The following CDYL variants were observed in gnomAD, a reference collection of about 807,000 sequenced individuals.
The protein encoded by CDYL is chromodomain Y-like protein.
CDYL carries 8 observed loss-of-function variants against 47.3 expected under a neutral mutation model. The ratio of observed to expected loss-of-function variants is 0.17; its 90% CI spans 0.10 to 0.31. CDYL has a LOEUF of 0.31. CDYL is among the 10% of genes least tolerant of loss of function. The probability of loss-of-function intolerance (pLI) is 1.00; values close to 1 mark genes in which losing one functional copy is unlikely to be tolerated. For missense variants in CDYL, 471 were observed against 701.4 expected (o/e 0.67, Z 3.71); for synonymous variants, 266 against 265.0 (o/e 1.00, Z -0.04).
At chr6:4,728,089 T>C (rs1285236834) in intron 2 of CDYL, among the ~76,000 whole-genome samples, 1 of 152,214 alleles carries the variant, frequency 6.6e-6, no homozygotes, top group African/African-American at 2.4e-5. Context: ...TGCTTATTTT[T>C]TTTCCTTTTT....
At chr6:4,853,568 GTCTCT>G (rs796773254) in intron 1 of CDYL, among the ~76,000 whole-genome samples, 10 of 152,166 alleles carry the variant, frequency 6.6e-5, no homozygotes, top group African/African-American at 2.4e-4. Flanking sequence ...TATCTCTTGA[GTCTCT>G]TCTCAGCTTC....
At chr6:4,831,435 T>C (rs946105445) in intron 1 of CDYL, among the ~76,000 whole-genome samples, 2 of 152,222 alleles carry the variant, frequency 1.3e-5, no homozygotes, top group African/African-American at 4.8e-5. Context: ...TCCATTGATC[T>C]ATATCTCTGT....
At chr6:4,808,372 T>G (rs1759432008) in intron 1 of CDYL, among the ~76,000 whole-genome samples, 1 of 152,232 alleles carries the variant, frequency 6.6e-6, no homozygotes, top group African/African-American at 2.4e-5. Context: ...CATTCTAACC[T>G]TCTTCTTTTC....
At chr6:4,810,380 T>G (rs1401154111) in intron 1 of CDYL, among the ~76,000 whole-genome samples, 1 of 152,192 alleles carries the variant, frequency 6.6e-6, no homozygotes, top group African/African-American at 2.4e-5. Context: ...ATGGTACCCT[T>G]TAATGACTCC....
chr6:4,809,442 G>T (rs1759462427), intron 1 of CDYL, among the ~76,000 whole-genome samples: 1 of 152,224 alleles, frequency 6.6e-6, no homozygotes, highest in African/African-American at 2.4e-5. Flanking sequence ...CTGCCTTCAG[G>T]ATAGTTTCTT....
At chr6:4,907,234 TG>T (rs200477084) in intron 2 of CDYL, among the ~76,000 whole-genome samples, 3,659 of 152,190 alleles carry the variant, frequency 0.024, 60 homozygotes, top group Middle Eastern at 0.041. Context: ...AAAGGGGAGA[TG>T]GGGGGAAAAC....
rs551970175 is a variant in CDYL, at chr6:4,949,939, C to T, written c.1333-2327C>T. On this transcript the variant is annotated intron_variant, in intron 5 of 6. Transcript: ENST00000397588. ...TAAATTGAGAAATGCCCTTGCTTGT[C>T]CTGCACATCCAACCACCTGGAATGG... Among the ~76,000 whole-genome samples the T allele has an allele frequency of 7.2e-5, 11 of 152,298 alleles. No individual in the cohort carries two copies. In the East Asian group the frequency reaches 1.7e-3, roughly 24 times the overall value.
intron 2 of CDYL, among the ~76,000 whole-genome samples, chr6:4,894,931 G>GTGTGTATA (rs1367567988): frequency 0.024 from 423 of 17,568 alleles, 7 homozygotes; most frequent in Non-Finnish European, 0.036. Flanking sequence ...ACATATGTAT[G>GTGTGTATA]TGTGTATATG....
chr6:4,837,997 C>T (rs1009913421), intron 1 of CDYL, among the ~76,000 whole-genome samples: 5 of 151,426 alleles, frequency 3.3e-5, no homozygotes, highest in Non-Finnish European at 5.9e-5. Context: ...AGGCTCATCT[C>T]GAACTCCTGG....
chr6:4,939,549 T>A (rs1409693708), intron 4 of CDYL, among the ~76,000 whole-genome samples: 3 of 152,262 alleles, frequency 2.0e-5, no homozygotes, highest in African/African-American at 7.2e-5. Flanking sequence ...GCTATCACAT[T>A]ATGTGTGGTT....
Position 4,954,254 on chromosome 6 carries a change from G to T in CDYL, c.*198G>T, listed in dbSNP as rs957349066. On this transcript the variant is annotated 3_prime_UTR_variant, in exon 7 of 7. Coordinates refer to ENST00000397588, the MANE Select transcript of CDYL (RefSeq NM_004824.4). Reference sequence around the variant, plus strand: ...TAACTTTAAAATAAATAACTACAAAGCTTCTTTGTCCAAACGTCATTATTT... The same window carrying T: ...TAACTTTAAAATAAATAACTACAAATCTTCTTTGTCCAAACGTCATTATTT... 3 of 504,014 alleles carry T rather than the reference G, an allele frequency of 6.0e-6. No homozygotes were observed. The highest frequency in any genetic ancestry group is 5.7e-5 in the African/African-American group (3 of 52,362). The allele number at this position is 504,014 out of a possible 1,614,324, so 31.2% of individuals were successfully genotyped here.
At chr6:4,944,731 A>G (rs1443913350) in intron 5 of CDYL, among the ~76,000 whole-genome samples, 1 of 152,220 alleles carries the variant, frequency 6.6e-6, no homozygotes, top group East Asian at 1.9e-4. Context: ...TTTAACCTGG[A>G]TGTTATAATC....
chr6:4,907,508 C>T (rs915813119), intron 2 of CDYL, among the ~76,000 whole-genome samples: 3 of 152,084 alleles, frequency 2.0e-5, no homozygotes, highest in Non-Finnish European at 4.4e-5. Flanking sequence ...AGGCGTGCAC[C>T]ACCACGCCTC....
At chr6:4,895,980 G>C (rs1054188183) in intron 2 of CDYL, among the ~76,000 whole-genome samples, 2 of 152,120 alleles carry the variant, frequency 1.3e-5, no homozygotes, top group Non-Finnish European at 2.9e-5. Flanking sequence ...GGGAATGACA[G>C]TATTTTTCCA....
chr6:4,740,742 A>G (rs1757782713), intron 3 of CDYL, among the ~76,000 whole-genome samples: 1 of 151,840 alleles, frequency 6.6e-6, no homozygotes, highest in Admixed American at 6.6e-5. Flanking sequence ...CTCTGTATCC[A>G]CAGCAGGCAG....
chr6:4,764,828 A>G (rs1758227446), intron 3 of CDYL, among the ~76,000 whole-genome samples: 1 of 151,936 alleles, frequency 6.6e-6, no homozygotes, highest in African/African-American at 2.4e-5. Context: ...TGAACAACAT[A>G]AACAGTAAAA....
intron 1 of CDYL, among the ~76,000 whole-genome samples, chr6:4,777,384 C>T (rs754906847): frequency 2.0e-5 from 3 of 152,196 alleles, no homozygotes; most frequent in Non-Finnish European, 2.9e-5. Flanking sequence ...AACGCTGATA[C>T]ACCGTCATTC....
chr6:4,753,024 C>A (rs1256026965), intron 3 of CDYL, among the ~76,000 whole-genome samples: 4 of 151,964 alleles, frequency 2.6e-5, no homozygotes. Flanking sequence ...CTCAAGCAAT[C>A]CTCCCACCTT....
At chr6:4,846,788 C>A (rs1760673927) in intron 1 of CDYL, among the ~76,000 whole-genome samples, 1 of 152,102 alleles carries the variant, frequency 6.6e-6, no homozygotes, top group Non-Finnish European at 1.5e-5. Context: ...ATGAAAAATA[C>A]AAAGACAAAA....
Sources: allele counts gnomAD v4.1 joint callset (sites outside exome capture counted in the v4.1 genomes callset), GRCh38; gene constraint gnomAD v4.1.1; transcripts MANE v1.5; gene names NCBI Gene and HGNC (gene_info 2026-07-23, HGNC 2026-07-21).